The following ANKRD30A variants were observed in gnomAD, a reference collection of about 807,000 sequenced individuals.
The protein encoded by ANKRD30A is ankyrin repeat domain 30A.
ANKRD30A carries 170 observed loss-of-function variants against 166.3 expected under a neutral mutation model. That is an observed-to-expected ratio of 1.02 (90% CI 0.90 to 1.16). The LOEUF is 1.16. Among genes scored for constraint, ANKRD30A ranks in the 50% most tolerant of loss-of-function variants. ANKRD30A has a pLI of 0.00. For synonymous variants in ANKRD30A, 564 were observed against 508.9 expected (o/e 1.11, Z -1.46); for missense variants, 1,630 against 1,518.0 (o/e 1.07, Z -1.23).
chr10:37,223,856 T>C (rs1390460606), intron 34 of ANKRD30A, among the ~76,000 whole-genome samples: 1 of 151,104 alleles, frequency 6.6e-6, no homozygotes, highest in Non-Finnish European at 1.5e-5. Context: ...AACATATGTA[T>C]TGACTTAATG....
intron 15 of ANKRD30A, among the ~76,000 whole-genome samples, chr10:37,161,111 G>A (rs995414948): frequency 6.6e-6 from 1 of 152,212 alleles, no homozygotes; most frequent in South Asian, 2.1e-4. Context: ...AAAATTAGTC[G>A]GACGTGGTGG....
intron 31 of ANKRD30A, among the ~76,000 whole-genome samples, chr10:37,205,387 G>T (rs1288753485): frequency 6.7e-6 from 1 of 148,366 alleles, no homozygotes; most frequent in Admixed American, 6.8e-5. Context: ...CCCATAGGTG[G>T]GAATTGAACA....
the ANKRD30A span, among the ~76,000 whole-genome samples, chr10:37,249,782 C>A: frequency 0.098 from 14,896 of 152,074 alleles, 798 homozygotes; most frequent in Middle Eastern, 0.13. Flanking sequence ...ATTGTAAAGG[C>A]TTTGAGTGTG....
At chr10:37,246,844 A>G in the ANKRD30A span, among the ~76,000 whole-genome samples, 1 of 152,190 alleles carries the variant, frequency 6.6e-6, no homozygotes, top group Non-Finnish European at 1.5e-5. Context: ...CCTGCCCACT[A>G]GAGGCCAATA....
intron 34 of ANKRD30A, 113 bp downstream of exon 34, chr10:37,220,010 TATATATATATATATATATA>T (rs1208845659): frequency 1.2e-5 from 2 of 170,900 alleles, no homozygotes; most frequent in African/African-American, 5.1e-5. Flanking sequence ...TATATATATA[TATATATATATATATATATA>T]ATATATGTAT....
At chr10:37,258,548 T>G in the ANKRD30A span, among the ~76,000 whole-genome samples, 1 of 152,014 alleles carries the variant, frequency 6.6e-6, no homozygotes, top group Non-Finnish European at 1.5e-5. Flanking sequence ...AGTAGATCAC[T>G]TGGATATCAT....
chr10:37,208,515 T>C (rs1227610231), intron 31 of ANKRD30A, among the ~76,000 whole-genome samples: 1 of 152,146 alleles, frequency 6.6e-6, no homozygotes, highest in Non-Finnish European at 1.5e-5. Flanking sequence ...GCACACCCCA[T>C]TACAAAATTT....
chr10:37,139,311 A>T (rs1290474169), intron 6 of ANKRD30A, among the ~76,000 whole-genome samples: 1 of 152,204 alleles, frequency 6.6e-6, no homozygotes, highest in African/African-American at 2.4e-5. Context: ...GACACCAAGG[A>T]AGATGCTGTA....
intron 31 of ANKRD30A, among the ~76,000 whole-genome samples, chr10:37,203,927 AC>A: frequency 6.6e-6 from 1 of 152,328 alleles, no homozygotes; most frequent in South Asian, 2.1e-4. Flanking sequence ...AATCCAACTT[AC>A]AAGGGATGTG....
intron 21 of ANKRD30A, among the ~76,000 whole-genome samples, chr10:37,171,996 G>C (rs17590708): frequency 6.9e-6 from 1 of 144,084 alleles, no homozygotes; most frequent in Non-Finnish European, 1.5e-5. Context: ...ACCTAATATA[G>C]TTGTCAACCA....
At chr10:37,241,060 CA>C in the ANKRD30A span, 1 of 151,962 alleles carries the variant, frequency 6.6e-6, no homozygotes, top group Non-Finnish European at 1.5e-5. Context: ...GTTATATATA[CA>C]TTTTTTTATT....
intron 31 of ANKRD30A, among the ~76,000 whole-genome samples, chr10:37,212,698 C>A (rs1047380349): frequency 1.6e-4 from 24 of 151,850 alleles, no homozygotes; most frequent in Non-Finnish European, 3.1e-4. Context: ...AGAACAGAGT[C>A]CTCAGAAATA....
chr10:37,130,093 C>T (rs1836286922), intron 2 of ANKRD30A, 86 bp downstream of exon 2: 2 of 1,190,472 alleles, frequency 1.7e-6, no homozygotes, highest in Non-Finnish European at 2.2e-6. Flanking sequence ...TGAAATACAA[C>T]TAGTTTTGAA....
intron 25 of ANKRD30A, among the ~76,000 whole-genome samples, chr10:37,190,077 C>A (rs918613564): frequency 2.6e-5 from 4 of 151,800 alleles, no homozygotes; most frequent in African/African-American, 7.3e-5. Context: ...AGCACCTGAC[C>A]ATGGAGAGCT....
chr10:37,229,070 G>A (rs1843294868), intron 34 of ANKRD30A, among the ~76,000 whole-genome samples: 2 of 151,880 alleles, frequency 1.3e-5, no homozygotes, highest in Admixed American at 1.3e-4. Flanking sequence ...TGTTAATGCT[G>A]GCCATTGCCT....
At chr10:37,160,262 A>T (rs1159420940) in intron 15 of ANKRD30A, among the ~76,000 whole-genome samples, 1 of 152,218 alleles carries the variant, frequency 6.6e-6, no homozygotes, top group African/African-American at 2.4e-5. Flanking sequence ...GTTAGAAATT[A>T]AAATGAAAAT....
chr10:37,158,394 T>C lies in ANKRD30A; in HGVS notation c.1801T>C (p.Ser601Pro). ...TATGTATGTCCCTTTTCTTATAGAGTCTCCTAATAAAGATGGTCTTCTGAA... is the reference window on the plus strand; with the variant it reads ...TATGTATGTCCCTTTTCTTATAGAGCCTCCTAATAAAGATGGTCTTCTGAA... ...IDKINGKLEESPNKDGLLKAT... is the reference protein window; with the variant it reads ...IDKINGKLEEPPNKDGLLKAT... The change falls in exon 14 of 36, where the codon TCT (serine) becomes CCT (proline). Residue 601 changes from serine to proline, a missense_variant and splice_region_variant. By Grantham distance (74) the Ser-to-Pro change is moderately conservative. Around this residue, in one of 4 missense-constraint regions of ANKRD30A, gnomAD observed 904 missense variants for 818.5 expected, o/e 1.10. Coordinates refer to ENST00000361713, the MANE Select transcript of ANKRD30A (RefSeq NM_052997.3). 1 of 1,609,166 alleles carries C rather than the reference T, an allele frequency of 6.2e-7. No individual in the cohort carries two copies. The highest frequency in any genetic ancestry group is 8.5e-7 in the Non-Finnish European group (1 of 1,176,466).
chr10:37,201,276 C>A lies in ANKRD30A; in HGVS notation c.2820C>A (p.Pro940=). 6.3e-7 allele frequency: 1 copy of A among 1,593,116 alleles called. No individual in the cohort carries two copies. Among genetic ancestry groups the A allele is most frequent in the Non-Finnish European group, 8.5e-7 (1 of 1,171,302 alleles). ...ETVSQKDVCV[P]KATHQKEMDK... ...TTTCACAGAAGGATGTGTGTGTACCCAAGGCTACACATCAAAAAGAAATGG... is the reference window on the plus strand; with the variant it reads ...TTTCACAGAAGGATGTGTGTGTACCAAAGGCTACACATCAAAAAGAAATGG... The change falls in exon 31 of 36, where the codon CCC becomes CCA. Residue 940 remains proline, a synonymous_variant. Transcript: ENST00000361713.
intron 24 of ANKRD30A, among the ~76,000 whole-genome samples, chr10:37,179,319 T>C (rs572654279): frequency 6.0e-5 from 9 of 151,036 alleles, no homozygotes; most frequent in African/African-American, 1.9e-4. Context: ...GAAAATGTTA[T>C]TAATATTTAA....
Sources: gnomAD v4.1 joint callset for allele counts (sites outside exome capture counted in the v4.1 genomes callset) on GRCh38, gnomAD v4.1.1 for gene constraint, gnomAD v4.1.1 regional missense constraint, MANE v1.5 for transcripts, NCBI Gene and HGNC (gene_info 2026-07-23, HGNC 2026-07-21) for gene names.